Variants in DMD observed in about 807,000 individuals in gnomAD.
The protein encoded by DMD is mutant dystrophin.
In DMD, 63 loss-of-function variants were observed where a neutral mutation model predicts 330.1. The ratio of observed to expected loss-of-function variants is 0.19; its 90% CI spans 0.16 to 0.24. The LOEUF is 0.24. Ranked by LOEUF, DMD falls within the 10% of genes least tolerant of loss-of-function variation. DMD has a pLI of 1.00. For synonymous variants in DMD, 1,223 were observed against 959.8 expected (o/e 1.27, Z -5.07); for missense variants, 3,344 against 2,684.1 (o/e 1.25, Z -5.43).
intron 43 of DMD, among the ~76,000 whole-genome samples, chrX:32,274,650 T>A (rs1326239737): frequency 1.8e-5 from 2 of 112,283 alleles, no homozygotes; most frequent in Non-Finnish European, 3.8e-5. Context: ...TTAAATTCTT[T>A]CACCACCTGC....
At chrX:32,020,712 C>CT (rs1370875464) in intron 44 of DMD, among the ~76,000 whole-genome samples, 1 of 112,347 alleles carries the variant, frequency 8.9e-6, no homozygotes, top group Non-Finnish European at 1.9e-5. Context: ...ATTTCTGTTG[C>CT]TTAAGCCACC....
chrX:32,851,500 C>T (rs181425159), intron 2 of DMD, among the ~76,000 whole-genome samples: 1 of 112,244 alleles, frequency 8.9e-6, no homozygotes, highest in East Asian at 2.8e-4. Context: ...ATACATGGAA[C>T]CTTCCAGCAA....
chrX:32,552,850 C>A (rs750394144), intron 16 of DMD, among the ~76,000 whole-genome samples: 1 of 111,727 alleles, frequency 9.0e-6, no homozygotes, highest in African/African-American at 3.2e-5. Context: ...AAGTGCAGAT[C>A]AAAACCACAA....
chrX:32,259,338 T>C (rs1466204630), intron 43 of DMD, among the ~76,000 whole-genome samples: 1 of 111,365 alleles, frequency 9.0e-6, no homozygotes, highest in Admixed American at 9.7e-5. Flanking sequence ...TTACATTTAA[T>C]ATGTATTCAT....
intron 62 of DMD, among the ~76,000 whole-genome samples, chrX:31,267,859 A>G (rs980367302): frequency 7.1e-5 from 8 of 112,700 alleles, no homozygotes; most frequent in Non-Finnish European, 1.3e-4. Context: ...ATTTTCTGCA[A>G]ACTTCACATA....
intron 44 of DMD, among the ~76,000 whole-genome samples, chrX:31,997,430 T>G (rs1376332644): frequency 9.2e-6 from 1 of 108,154 alleles, no homozygotes; most frequent in Non-Finnish European, 1.9e-5. Flanking sequence ...TTTTTTTTGT[T>G]TTTTGTTTTT....
intron 2 of DMD, among the ~76,000 whole-genome samples, chrX:32,965,187 G>T (rs1287166650): frequency 9.0e-6 from 1 of 111,451 alleles, no homozygotes; most frequent in African/African-American, 3.3e-5. Context: ...TGTATTTGAT[G>T]ATATTAAGCA....
At chrX:31,974,593 T>C (rs1390000000) in intron 44 of DMD, among the ~76,000 whole-genome samples, 1 of 110,337 alleles carries the variant, frequency 9.1e-6, no homozygotes, top group African/African-American at 3.3e-5. Context: ...GTTCATTTGT[T>C]ACAGGAACTA....
chrX:32,393,317 A>C (rs1404187440), intron 30 of DMD, among the ~76,000 whole-genome samples: 1 of 111,370 alleles, frequency 9.0e-6, no homozygotes, highest in Non-Finnish European at 1.9e-5. Context: ...CAAGGTGTGG[A>C]GACAGGGCAC....
intron 62 of DMD, among the ~76,000 whole-genome samples, chrX:31,279,771 A>G (rs139671089): frequency 0.018 from 2,028 of 112,568 alleles, 56 homozygotes; most frequent in African/African-American, 0.062. Context: ...CACCCATCAA[A>G]TAGTGAGCTA....
chrX:32,702,080 AG>A (rs1195144538), intron 7 of DMD, among the ~76,000 whole-genome samples: 1 of 112,205 alleles, frequency 8.9e-6, no homozygotes, highest in African/African-American at 3.2e-5. Context: ...TACATTTTCA[AG>A]AAATCTATTA....
chrX:32,176,818 A>G (rs764830674), intron 44 of DMD, among the ~76,000 whole-genome samples: 16 of 109,982 alleles, frequency 1.5e-4, no homozygotes, highest in Non-Finnish European at 2.5e-4. Flanking sequence ...TGACTACCCA[A>G]CCCCTCACTT....
intron 7 of DMD, among the ~76,000 whole-genome samples, chrX:32,800,930 T>A (rs566531148): frequency 8.9e-5 from 10 of 111,783 alleles, no homozygotes; most frequent in African/African-American, 3.3e-4. Flanking sequence ...TGTGCCAAAT[T>A]TTCTTTATCC....
At chrX:32,084,967 A>G (rs951446750) in intron 44 of DMD, among the ~76,000 whole-genome samples, 4 of 111,506 alleles carry the variant, frequency 3.6e-5, no homozygotes, top group Non-Finnish European at 7.5e-5. Flanking sequence ...TGCCCAGTAA[A>G]AGGACCACTG....
chrX:32,958,443 C>T (rs765357668), intron 2 of DMD, among the ~76,000 whole-genome samples: 70 of 110,958 alleles, frequency 6.3e-4, no homozygotes, highest in Non-Finnish European at 3.6e-4. Context: ...AACTGTAACT[C>T]GGATGTTGAT....
intron 61 of DMD, among the ~76,000 whole-genome samples, chrX:31,329,969 CAAAAAAAAAAAA>C (rs142353794): frequency 4.7e-3 from 61 of 12,891 alleles, no homozygotes; most frequent in Middle Eastern, 0.056. Flanking sequence ...GATTCCATCT[CAAAAAAAAAAAA>C]AAAAAAAAAA....
At chrX:32,527,918 CAT>C (rs1381388729) in intron 17 of DMD, among the ~76,000 whole-genome samples, 1 of 111,612 alleles carries the variant, frequency 9.0e-6, no homozygotes, top group African/African-American at 3.3e-5. Context: ...GATAGGGCCA[CAT>C]GATTGTCTTG....
intron 41 of DMD, among the ~76,000 whole-genome samples, chrX:32,312,782 G>T (rs1422318816): frequency 1.9e-5 from 2 of 106,023 alleles, no homozygotes; most frequent in African/African-American, 6.7e-5. Flanking sequence ...TACCATCAGA[G>T]AATACTATCA....
At chrX:31,702,849 G>T (rs1247083588) in intron 52 of DMD, among the ~76,000 whole-genome samples, 2 of 103,822 alleles carry the variant, frequency 1.9e-5, no homozygotes, top group Non-Finnish European at 3.9e-5. Context: ...TCTAGTCAGA[G>T]AAGTCTTTTT....
Sources: allele counts gnomAD v4.1 joint callset (sites outside exome capture counted in the v4.1 genomes callset), GRCh38; gene constraint gnomAD v4.1.1; transcripts MANE v1.5; gene names NCBI Gene and HGNC (gene_info 2026-07-23, HGNC 2026-07-21).